SAMSN1: variants seen among roughly 807,000 people sequenced by gnomAD.
SAMSN1 encodes the protein SAM domain-containing protein SAMSN-1.
In SAMSN1, 31 loss-of-function variants were observed where a neutral mutation model predicts 42.0. The observed-to-expected ratio is 0.74, with a 90% CI of 0.55 to 1.00. The LOEUF (loss-of-function observed/expected upper bound fraction) is 1.00. SAMSN1 is among the 50% of genes least tolerant of loss of function. The pLI is 0.00. For synonymous variants in SAMSN1, 178 were observed against 151.9 expected (o/e 1.17, Z -1.26); for missense variants, 464 against 439.4 (o/e 1.06, Z -0.50).
upstream of SAMSN1, chr21:14,585,643 G>T (rs1469616030): frequency 2.0e-5 from 3 of 152,058 alleles, no homozygotes; most frequent in Non-Finnish European, 4.4e-5. Flanking sequence ...GTTAATTTTT[G>T]TATCTTTATT....
chr21:14,622,384 G>A (rs1031953858), intron 2 of SAMSN1, among the ~76,000 whole-genome samples: 2 of 151,952 alleles, frequency 1.3e-5, no homozygotes, highest in African/African-American at 4.9e-5. Flanking sequence ...GAAAAGATTA[G>A]ACGAATGGCT....
chr21:14,610,829 T>C (rs1038195358), intron 4 of SAMSN1, among the ~76,000 whole-genome samples: 11 of 152,394 alleles, frequency 7.2e-5, no homozygotes, highest in Admixed American at 7.2e-4. Flanking sequence ...ATGAACTACA[T>C]AGGCACTTCA....
intron 1 of SAMSN1, among the ~76,000 whole-genome samples, chr21:14,645,077 C>A (rs467055): frequency 0.77 from 116,794 of 152,136 alleles, 45,351 homozygotes; most frequent in Middle Eastern, 0.89. Context: ...CACCCAGGGC[C>A]TGGGGGCCTT....
chr21:14,614,439 C>T (rs1982781434), intron 3 of SAMSN1, among the ~76,000 whole-genome samples: 1 of 152,146 alleles, frequency 6.6e-6, no homozygotes, highest in Admixed American at 6.5e-5. Flanking sequence ...GAGGATAGGA[C>T]TATGCTGACT....
At chr21:14,518,275 C>T (rs1262149427) in intron 2 of SAMSN1, among the ~76,000 whole-genome samples, 2 of 152,168 alleles carry the variant, frequency 1.3e-5, no homozygotes, top group African/African-American at 2.4e-5. Flanking sequence ...TAACATTACC[C>T]GATAATATGT....
chr21:14,619,597 T>C, intron 2 of SAMSN1: 1 of 225,184 alleles, frequency 4.4e-6, no homozygotes, highest in Non-Finnish European at 1.0e-5. Context: ...TTATTGAACA[T>C]CTACTATGTA....
chr21:14,543,486 G>GA (rs1980177036), intron 1 of SAMSN1, among the ~76,000 whole-genome samples: 1 of 152,116 alleles, frequency 6.6e-6, no homozygotes, highest in African/African-American at 2.4e-5. Context: ...ATATAGGACT[G>GA]AAAATCTATT....
intron 1 of SAMSN1, among the ~76,000 whole-genome samples, chr21:14,537,502 T>C (rs1357811215): frequency 6.6e-6 from 1 of 152,246 alleles, no homozygotes; most frequent in Non-Finnish European, 1.5e-5. Context: ...GCCAGTGTAT[T>C]GTCCATAATA....
chr21:14,509,805 CA>C (rs1307470846), intron 5 of SAMSN1, among the ~76,000 whole-genome samples: 1 of 152,160 alleles, frequency 6.6e-6, no homozygotes, highest in Non-Finnish European at 1.5e-5. Context: ...ACAGCCTGAA[CA>C]GACTGATACC....
intron 1 of SAMSN1, among the ~76,000 whole-genome samples, chr21:14,540,783 G>GTA (rs1241592749): frequency 1.3e-5 from 2 of 152,144 alleles, no homozygotes; most frequent in Non-Finnish European, 2.9e-5. Context: ...CCATTGCTGG[G>GTA]TATATACCCA....
intron 6 of SAMSN1, among the ~76,000 whole-genome samples, chr21:14,598,668 C>G (rs909100564): frequency 6.6e-6 from 1 of 152,164 alleles, no homozygotes; most frequent in African/African-American, 2.4e-5. Context: ...TCTTCCATGC[C>G]TGAGATCTTC....
chr21:14,630,058 G>A (rs1030834258), intron 2 of SAMSN1, among the ~76,000 whole-genome samples: 72 of 152,100 alleles, frequency 4.7e-4, no homozygotes, highest in African/African-American at 1.4e-3. Flanking sequence ...AGCAAGCCAA[G>A]CAAACTTGCA....
intron 2 of SAMSN1, among the ~76,000 whole-genome samples, chr21:14,636,712 G>A: frequency 6.6e-6 from 1 of 152,054 alleles, no homozygotes. Flanking sequence ...AGCTGGGCAT[G>A]GTGGCACGCA....
chr21:14,612,042 G>A (rs1982722793), intron 4 of SAMSN1, among the ~76,000 whole-genome samples: 1 of 152,098 alleles, frequency 6.6e-6, no homozygotes. Context: ...AGACCATCCT[G>A]GCCAACACAG....
chr21:14,579,198 T>C (rs1409056066), intron 2 of SAMSN1, among the ~76,000 whole-genome samples: 1 of 152,220 alleles, frequency 6.6e-6, no homozygotes, highest in Non-Finnish European at 1.5e-5. Flanking sequence ...CCAATTTAAC[T>C]CTAACATGCT....
chr21:14,648,761 C>T (rs914530157), intron 1 of SAMSN1, among the ~76,000 whole-genome samples: 1 of 151,760 alleles, frequency 6.6e-6, no homozygotes, highest in Admixed American at 6.6e-5. Context: ...ATTAAAAAGT[C>T]AGGAAACAAC....
intron 6 of SAMSN1, among the ~76,000 whole-genome samples, chr21:14,598,901 A>T (rs457188): frequency 8.6e-5 from 13 of 152,022 alleles, no homozygotes; most frequent in African/African-American, 2.9e-4. Context: ...GATACTATTC[A>T]TTATTTTAAC....
At chr21:14,557,160 C>T (rs1411884029) in intron 2 of SAMSN1, among the ~76,000 whole-genome samples, 1 of 152,062 alleles carries the variant, frequency 6.6e-6, no homozygotes, top group East Asian at 1.9e-4. Flanking sequence ...CCACGGAGAA[C>T]CTGTGGTGTG....
rs1329963124 is a variant in SAMSN1 at position 14,577,258 on chromosome 21, ATATATATATATATATATATATATATATT to A, written c.261+4850_261+4877del. 9.3e-4 allele frequency among the ~76,000 whole-genome samples: 40 copies of A among 43,156 alleles called. 5 individuals are homozygous for A. The highest frequency in any genetic ancestry group is 3.9e-3 in the African/African-American group (32 of 8,192). 28.3% of individuals were successfully genotyped at this position (43,156 alleles called of 152,430 possible). ...TGTGTGTATATATATATATATATATATATATATATATATATATATATATATATTTTTTTTTTAGAAGAGACAGGGTTTT... is the reference window on the plus strand; with the variant it reads ...TGTGTGTATATATATATATATATATATTTTTTTTAGAAGAGACAGGGTTTT... On this transcript the variant is annotated intron_variant, in intron 2 of 8. Transcript: ENST00000285670.
Sources: gnomAD v4.1 joint callset for allele counts (sites outside exome capture counted in the v4.1 genomes callset) on GRCh38, gnomAD v4.1.1 for gene constraint, MANE v1.5 for transcripts, NCBI Gene and HGNC (gene_info 2026-07-23, HGNC 2026-07-21) for gene names.